AGBL1: variants seen among roughly 807,000 people sequenced by gnomAD.
AGBL1 encodes the protein AGBL carboxypeptidase 1.
AGBL1 carries 130 observed loss-of-function variants against 118.9 expected under a neutral mutation model. That is an observed-to-expected ratio of 1.09 (90% CI 0.95 to 1.26). The LOEUF (loss-of-function observed/expected upper bound fraction) is 1.26. Among genes scored for constraint, AGBL1 ranks in the 50% most tolerant of loss-of-function variants. The pLI, the probability that AGBL1 is intolerant of heterozygous loss-of-function variation, is 0.00. For synonymous variants in AGBL1, 555 were observed against 478.9 expected (o/e 1.16, Z -2.08); for missense variants, 1,584 against 1,298.1 (o/e 1.22, Z -3.38).
intron 21 of AGBL1, among the ~76,000 whole-genome samples, chr15:86,668,320 C>T (rs2085683174): frequency 6.6e-6 from 1 of 152,204 alleles, no homozygotes; most frequent in African/African-American, 2.4e-5. Context: ...AACAGTCTAA[C>T]TCACAATTTT....
At chr15:86,800,595 G>A (rs1368646894) in intron 22 of AGBL1, among the ~76,000 whole-genome samples, 6 of 151,946 alleles carry the variant, frequency 3.9e-5, no homozygotes, top group African/African-American at 1.2e-4. Context: ...TAGAAAACTG[G>A]CCCTTATGTT....
intron 21 of AGBL1, among the ~76,000 whole-genome samples, chr15:86,566,476 C>A (rs147435309): frequency 6.6e-6 from 1 of 152,240 alleles, no homozygotes; most frequent in Non-Finnish European, 1.5e-5. Context: ...GGCAGCTCTC[C>A]ATCAGCAGGG....
chr15:86,459,418 C>T (rs2082302173), intron 18 of AGBL1, among the ~76,000 whole-genome samples: 2 of 152,098 alleles, frequency 1.3e-5, no homozygotes, highest in African/African-American at 4.8e-5. Context: ...AACAGTACTG[C>T]TTTCTCTAGT....
intron 18 of AGBL1, among the ~76,000 whole-genome samples, chr15:86,502,981 A>G (rs2082934578): frequency 6.6e-6 from 1 of 151,406 alleles, no homozygotes; most frequent in Non-Finnish European, 1.5e-5. Context: ...AAGTTTTGTG[A>G]AAGATTGGTT....
intron 22 of AGBL1, among the ~76,000 whole-genome samples, chr15:86,756,263 A>T (rs1186004323): frequency 6.6e-6 from 1 of 151,780 alleles, no homozygotes; most frequent in Non-Finnish European, 1.5e-5. Flanking sequence ...AAAGAAAAAG[A>T]CTACACAGCC....
intron 22 of AGBL1, among the ~76,000 whole-genome samples, chr15:86,881,302 C>T (rs2079888182): frequency 6.6e-6 from 1 of 152,166 alleles, no homozygotes; most frequent in African/African-American, 2.4e-5. Flanking sequence ...GAAGAAACCT[C>T]GTGGAATGCT....
At chr15:86,827,487 GTGTA>G (rs1419195134) in intron 22 of AGBL1, among the ~76,000 whole-genome samples, 4 of 3,464 alleles carry the variant, frequency 1.2e-3, no homozygotes, top group African/African-American at 3.4e-3. Context: ...ATATATATGT[GTGTA>G]TATATATATA....
intron 24 of AGBL1, among the ~76,000 whole-genome samples, chr15:86,997,166 A>G (rs899599306): frequency 1.3e-4 from 20 of 152,032 alleles, no homozygotes; most frequent in Admixed American, 1.2e-3. Context: ...AATGATTTGT[A>G]TGTGGTCTAA....
At chr15:86,361,542 G>C (rs1273324821) in intron 17 of AGBL1, among the ~76,000 whole-genome samples, 2 of 152,010 alleles carry the variant, frequency 1.3e-5, no homozygotes, top group Admixed American at 6.6e-5. Context: ...AGAGAATGGA[G>C]TATTGAAGTC....
intron 20 of AGBL1, among the ~76,000 whole-genome samples, chr15:86,553,289 T>A (rs1264506332): frequency 6.6e-6 from 1 of 152,234 alleles, no homozygotes; most frequent in African/African-American, 2.4e-5. Flanking sequence ...CTGTGTATAC[T>A]ATCAACTCTG....
At chr15:86,970,072 T>A (rs1018563464) in intron 23 of AGBL1, among the ~76,000 whole-genome samples, 1 of 151,824 alleles carries the variant, frequency 6.6e-6, no homozygotes. Flanking sequence ...GGTAAAGGCA[T>A]GGGGAGCCCA....
chr15:86,471,644 G>A (rs569977189), intron 18 of AGBL1, among the ~76,000 whole-genome samples: 57 of 152,108 alleles, frequency 3.7e-4, no homozygotes, highest in African/African-American at 1.4e-3. Context: ...TATTTGGTGA[G>A]GACAGAGTAT....
At chr15:86,849,913 A>C (rs2079381147) in intron 22 of AGBL1, among the ~76,000 whole-genome samples, 1 of 152,226 alleles carries the variant, frequency 6.6e-6, no homozygotes. Context: ...GAAGTCATAG[A>C]AGGAGCTGGT....
At chr15:86,208,214 C>T (rs1011769809) in intron 5 of AGBL1, among the ~76,000 whole-genome samples, 12 of 152,050 alleles carry the variant, frequency 7.9e-5, no homozygotes, top group Non-Finnish European at 1.3e-4. Context: ...CTGCTGGATT[C>T]GGTTTGCCAG....
chr15:87,012,336 TG>T (rs112465278), intron 24 of AGBL1, among the ~76,000 whole-genome samples: 15,643 of 151,962 alleles, frequency 0.1, 1,624 homozygotes, highest in African/African-American at 0.27. Context: ...TCCATATTTT[TG>T]GGGGGGTACT....
chr15:86,085,423 C>A (rs1383054916), intron 1 of AGBL1, among the ~76,000 whole-genome samples: 2 of 152,190 alleles, frequency 1.3e-5, no homozygotes, highest in Non-Finnish European at 2.9e-5. Context: ...TGGCAAGCTT[C>A]AGGTCCAACC....
chr15:86,749,843 C>T (rs539670914), intron 22 of AGBL1, among the ~76,000 whole-genome samples: 1 of 152,166 alleles, frequency 6.6e-6, no homozygotes, highest in African/African-American at 2.4e-5. Flanking sequence ...ACCAGCCTTG[C>T]ATCCCAGGGA....
chr15:86,114,304 C>T (rs1486690737), intron 1 of AGBL1, among the ~76,000 whole-genome samples: 1 of 151,750 alleles, frequency 6.6e-6, no homozygotes, highest in Non-Finnish European at 1.5e-5. Flanking sequence ...GGTGAGTCTG[C>T]ACTCTGCCTT....
chr15:86,629,052 C>G (rs1356047792), intron 21 of AGBL1, among the ~76,000 whole-genome samples: 1 of 152,072 alleles, frequency 6.6e-6, no homozygotes, highest in Non-Finnish European at 1.5e-5. Flanking sequence ...TTCTTATTAG[C>G]TATGGTCACC....
Sources: gnomAD v4.1 joint callset for allele counts (sites outside exome capture counted in the v4.1 genomes callset) on GRCh38, gnomAD v4.1.1 for gene constraint, MANE v1.5 for transcripts, NCBI Gene and HGNC (gene_info 2026-07-23, HGNC 2026-07-21) for gene names.